The following LETM2 variants were observed in gnomAD, a reference collection of about 807,000 sequenced individuals.
The protein encoded by LETM2 is leucine zipper and EF-hand containing transmembrane protein 2.
LETM2 carries 58 observed loss-of-function variants against 59.6 expected under a neutral mutation model. The ratio of observed to expected loss-of-function variants is 0.97; its 90% CI spans 0.79 to 1.21. LETM2 has a LOEUF of 1.21. LETM2 is among the 50% of genes most tolerant of loss of function. The probability of loss-of-function intolerance (pLI) is 0.00; values close to 1 mark genes in which losing one functional copy is unlikely to be tolerated. For synonymous variants in LETM2, 199 were observed against 214.1 expected (o/e 0.93, Z 0.62); for missense variants, 572 against 575.7 (o/e 0.99, Z 0.07).
rs1277084509 is a variant in LETM2 at position 38,408,610 on chromosome 8, C to G, written c.*336C>G. On this transcript the variant is annotated 3_prime_UTR_variant, in exon 11 of 11. Coordinates refer to ENST00000379957, the MANE Select transcript of LETM2 (RefSeq NM_001286819.2). ...GAAATTTTTTGCACAATGGAATCAG[C>G]TTGGCACCTTAGATACCTGTCTCCT... 1 of 200,448 alleles carries G rather than the reference C, an allele frequency of 5.0e-6. No individual in the cohort carries two copies. The highest frequency in any genetic ancestry group is 1.3e-4 in the East Asian group (1 of 7,826). The allele number at this position is 200,448 out of a possible 1,614,324, so 12.4% of individuals were successfully genotyped here. A position where few individuals can be genotyped will look rare whatever the true frequency, so the allele number is the denominator to read the frequency against.
chr8:38,408,298 A>T lies in LETM2; in HGVS notation c.*24A>T, dbSNP rs1813904948. ...AAAGGACTACTTGAGGATGGAGCTC[A>T]CTCTCTTCAGCTTCCGGCCCTCAAC... On this transcript the variant is annotated 3_prime_UTR_variant, in exon 11 of 11. Coordinates refer to ENST00000379957, the MANE Select transcript of LETM2 (RefSeq NM_001286819.2). The T allele has an allele frequency of 1.3e-6, 2 of 1,597,866 alleles. No individual in the cohort carries two copies. Among genetic ancestry groups the T allele is most frequent in the Non-Finnish European group, 1.7e-6 (2 of 1,167,424 alleles).
At chr8:38,392,361 G>T (rs1812359158) in intron 2 of LETM2, among the ~76,000 whole-genome samples, 181 bp from the exon 3 acceptor site, 1 of 151,986 alleles carries the variant, frequency 6.6e-6, no homozygotes, top group Non-Finnish European at 1.5e-5. Flanking sequence ...GATGGCGTAG[G>T]TTGTAGTGAG....
chr8:38,406,159 C>T (rs1326739657), intron 8 of LETM2, among the ~76,000 whole-genome samples: 1 of 152,132 alleles, frequency 6.6e-6, no homozygotes, highest in East Asian at 1.9e-4. Flanking sequence ...CCATTCTTAT[C>T]GTTATCTATT....
chr8:38,383,791 G>T (rs1811668126), upstream of LETM2, among the ~76,000 whole-genome samples: 1 of 151,944 alleles, frequency 6.6e-6, no homozygotes, highest in Non-Finnish European at 1.5e-5. Context: ...TTAGCCGGGC[G>T]TGGTGGGGGG....
At chr8:38,400,579 G>A in intron 5 of LETM2, 170 bp downstream of exon 5, 2 of 710,198 alleles carry the variant, frequency 2.8e-6, no homozygotes, top group East Asian at 5.7e-5. Flanking sequence ...ATAGTAGTTT[G>A]CAGAAAAGCC....
chr8:38,401,137 T>A, intron 6 of LETM2, 84 bp downstream of exon 6: 3 of 976,660 alleles, frequency 3.1e-6, no homozygotes, highest in Non-Finnish European at 4.6e-6. Flanking sequence ...TGTGCAGTAT[T>A]TTTTGTTTTT....
chr8:38,406,927 A>G lies in LETM2; in HGVS notation c.1219-19A>G, dbSNP rs1185189586. ...GAAGAGCAGAAAGCTTATGATACAT[A>G]AAATGTTTATCTCCCCAGGCTCCAA... On this transcript the variant is annotated intron_variant, in intron 8 of 10. Coordinates refer to ENST00000379957, the MANE Select transcript of LETM2 (RefSeq NM_001286819.2). 2.6e-6 allele frequency: 4 copies of G among 1,535,578 alleles called. No individual in the cohort carries two copies. Among genetic ancestry groups the G allele is most frequent in the Non-Finnish European group, 3.6e-6 (4 of 1,110,816 alleles).
At position 38,402,564 on chromosome 8, in the gene LETM2, G is replaced by C. The variant is rs1252077231; in HGVS notation, c.1024G>C (p.Glu342Gln). 1 of 1,613,864 alleles carries C rather than the reference G, an allele frequency of 6.2e-7. No individual in the cohort carries two copies. The highest frequency in any genetic ancestry group is 8.5e-7 in the Non-Finnish European group (1 of 1,179,860). Residue 342 changes from glutamate to glutamine, a missense_variant, in exon 7 of 11, where the codon GAA (glutamate) becomes CAA (glutamine). Glu to Gln is a conservative substitution (Grantham distance 29, BLOSUM62 2). Coordinates refer to ENST00000379957, the MANE Select transcript of LETM2 (RefSeq NM_001286819.2). ...AGGGGTGACAGCATTGAGTGTATCA[G>C]AACTACAGGCTGCCTGTAGGGCCCG... ...KEGVTALSVS[E>Q]LQAACRARGM...
intron 7 of LETM2, among the ~76,000 whole-genome samples, chr8:38,402,853 T>C (rs1813354607): frequency 1.3e-5 from 2 of 152,226 alleles, no homozygotes; most frequent in Non-Finnish European, 2.9e-5. Context: ...GAAATGACCA[T>C]GAACTTAGTG....
chr8:38,385,710 T>TAAA (rs1563378657), upstream of LETM2, among the ~76,000 whole-genome samples: 1 of 151,886 alleles, frequency 6.6e-6, no homozygotes, highest in African/African-American at 2.4e-5. Context: ...TAAAAAAAAT[T>TAAA]TTTAACTCTT....
upstream of LETM2, chr8:38,383,445 T>TA (rs1484123175): frequency 6.6e-6 from 1 of 152,204 alleles, no homozygotes; most frequent in Non-Finnish European, 1.5e-5. Flanking sequence ...AAAGCCATTT[T>TA]ACCGCTAGAC....
Position 38,387,960 on chromosome 8 carries a change from TA to T in LETM2, c.-22del. ...ACTCCTTTTGCCTAGGTCCCTATGT[TA>T]ACTACTTGAGACAAAAATAAATATG... On this transcript the variant is annotated 5_prime_UTR_variant, in exon 2 of 11. It removes the in-frame stop codon of an upstream open reading frame in the 5' UTR. Transcript: ENST00000379957. 6.9e-7 allele frequency: 1 copy of T among 1,456,538 alleles called. No homozygotes were observed. Among genetic ancestry groups the T allele is most frequent in the Non-Finnish European group, 9.3e-7 (1 of 1,078,374 alleles). The allele number at this position is 1,456,538 out of a possible 1,614,324, so 90.2% of individuals were successfully genotyped here.
intron 4 of LETM2, among the ~76,000 whole-genome samples, chr8:38,395,838 G>GT (rs947792201): frequency 8.6e-5 from 13 of 151,884 alleles, no homozygotes; most frequent in African/African-American, 1.7e-4. Context: ...TTTTAATTGG[G>GT]TTTTTTTGTT....
chr8:38,390,917 G>A (rs1334350440), intron 2 of LETM2, among the ~76,000 whole-genome samples: 4 of 151,572 alleles, frequency 2.6e-5, no homozygotes, highest in African/African-American at 4.8e-5. Flanking sequence ...TCTTGACCTC[G>A]TGATCCACCT....
chr8:38,407,108 G>A, intron 9 of LETM2, 70 bp downstream of exon 9: 1 of 918,660 alleles, frequency 1.1e-6, no homozygotes, highest in Non-Finnish European at 1.8e-6. Flanking sequence ...ATTTTCTCCT[G>A]TTTTAATCCC....
At chr8:38,400,656 CA>C (rs1293809382) in intron 5 of LETM2, 196 bp from the exon 6 acceptor site, 1 of 660,548 alleles carries the variant, frequency 1.5e-6, no homozygotes, top group Non-Finnish European at 2.5e-6. Flanking sequence ...GATTTAGAGT[CA>C]AACTTCCAAA....
chr8:38,391,300 G>GTTTTTTTTTTTTTTTT (rs761566202), intron 2 of LETM2, among the ~76,000 whole-genome samples: 1 of 109,164 alleles, frequency 9.2e-6, no homozygotes, highest in Non-Finnish European at 1.9e-5. Context: ...TTTTATTTTA[G>GTTTTTTTTTTTTTTTT]TTTTTTTTTT....
upstream of LETM2, chr8:38,382,584 A>G (rs1374383730): frequency 6.5e-6 from 1 of 153,124 alleles, no homozygotes; most frequent in African/African-American, 2.4e-5. This position sits in a 1 kb window ranked among gnomAD's most constrained non-coding sequence, Gnocchi z 4.2. Context: ...CCGGGAGGTA[A>G]AACTGGGATC....
At chr8:38,383,361 GCA>G (rs775154454), upstream of LETM2, 1 of 152,264 alleles carries the variant, frequency 6.6e-6, no homozygotes, top group East Asian at 1.9e-4. Flanking sequence ...GAAGGTTACA[GCA>G]CAGAGACGTG....
Sources: gnomAD v4.1 joint callset for allele counts (sites outside exome capture counted in the v4.1 genomes callset) on GRCh38, gnomAD v4.1.1 for gene constraint, Gnocchi (gnomAD v3.1) non-coding constraint, MANE v1.5 for transcripts, NCBI Gene and HGNC (gene_info 2026-07-23, HGNC 2026-07-21) for gene names.